NRXN3: variants seen among roughly 807,000 people sequenced by gnomAD.
NRXN3 encodes neurexin III.
Under a neutral mutation model 137.6 loss-of-function variants are expected in NRXN3, and 32 were observed. That is an observed-to-expected ratio of 0.23 (90% CI 0.18 to 0.31). The LOEUF (loss-of-function observed/expected upper bound fraction) is 0.31, where lower values mean the gene tolerates loss of function less well. Ranked by LOEUF, NRXN3 falls within the 10% of genes least tolerant of loss-of-function variation. The pLI is 1.00. For missense variants in NRXN3, 1,574 were observed against 2,062.5 expected (o/e 0.76, Z 4.59); for synonymous variants, 798 against 784.5 (o/e 1.02, Z -0.29).
intron 2 of NRXN3, among the ~76,000 whole-genome samples, chr14:78,274,229 C>T (rs1596626272): frequency 6.6e-6 from 1 of 152,256 alleles, no homozygotes; most frequent in Admixed American, 6.5e-5. Flanking sequence ...TGAAGGAATG[C>T]CTGAGACTGG....
In NRXN3 at chr14:78,370,674, C is replaced by CT. The variant is rs2086673749; in HGVS notation, c.757+72814_757+72815insT. 2.0e-5 allele frequency among the ~76,000 whole-genome samples: 3 copies of CT among 152,062 alleles called. No individual in the cohort carries two copies. The South Asian group carries it at 6.2e-4, about 32-fold the overall frequency. On this transcript the variant is annotated intron_variant, in intron 4 of 20. Coordinates refer to ENST00000335750, the MANE Select transcript of NRXN3 (RefSeq NM_001330195.2). ...TACCACTCTAATACTTTGAGCAATG[C>CT]CAATTATATTGTTATTGCCATACTA...
intron 1 of NRXN3, among the ~76,000 whole-genome samples, chr14:78,183,896 A>G (rs2060018020): frequency 6.6e-6 from 1 of 152,166 alleles, no homozygotes; most frequent in Non-Finnish European, 1.5e-5. Flanking sequence ...TTTCTCCAAG[A>G]AGGGGCGGAT....
At chr14:78,505,373 A>G (rs1426475989) in intron 4 of NRXN3, among the ~76,000 whole-genome samples, 3 of 152,174 alleles carry the variant, frequency 2.0e-5, no homozygotes, top group Non-Finnish European at 2.9e-5. Context: ...TTGTAATTCC[A>G]TCAAGGATTT....
At chr14:79,099,003 A>G (rs1024498789) in intron 15 of NRXN3, among the ~76,000 whole-genome samples, 1 of 152,178 alleles carries the variant, frequency 6.6e-6, no homozygotes, top group Non-Finnish European at 1.5e-5. Flanking sequence ...TTGAATTTCC[A>G]TGATGACTAT....
intron 4 of NRXN3, among the ~76,000 whole-genome samples, chr14:78,331,024 G>A (rs997832548): frequency 6.6e-6 from 1 of 152,088 alleles, no homozygotes; most frequent in Non-Finnish European, 1.5e-5. Flanking sequence ...TTGTGTTTGA[G>A]CATGCAAATT....
intron 4 of NRXN3, among the ~76,000 whole-genome samples, chr14:78,561,084 C>T (rs1361735971): frequency 6.6e-6 from 1 of 152,184 alleles, no homozygotes; most frequent in Non-Finnish European, 1.5e-5. Context: ...CACTGGGTAA[C>T]AGTGGGGCTA....
chr14:78,992,019 T>C (rs1213616452), intron 15 of NRXN3, among the ~76,000 whole-genome samples: 1 of 152,208 alleles, frequency 6.6e-6, no homozygotes, highest in Non-Finnish European at 1.5e-5. Flanking sequence ...GAGCTGATTG[T>C]CTTGTATAAG....
intron 16 of NRXN3, among the ~76,000 whole-genome samples, chr14:79,507,427 C>T (rs780441751): frequency 5.9e-5 from 9 of 152,136 alleles, no homozygotes; most frequent in Non-Finnish European, 1.3e-4. Flanking sequence ...AGCAAACATA[C>T]AAACAAAACA....
At chr14:79,260,740 A>G (rs78484310) in intron 15 of NRXN3, among the ~76,000 whole-genome samples, 1 of 152,136 alleles carries the variant, frequency 6.6e-6, no homozygotes, top group Non-Finnish European at 1.5e-5. Flanking sequence ...ATAAATTCTC[A>G]GAGCTCAGAT....
chr14:79,554,670 G>T (rs1481947199), intron 16 of NRXN3, among the ~76,000 whole-genome samples: 4 of 152,098 alleles, frequency 2.6e-5, no homozygotes, highest in African/African-American at 9.7e-5. Flanking sequence ...CTCTTCTGTG[G>T]CAGTCACACA....
intron 18 of NRXN3, among the ~76,000 whole-genome samples, chr14:79,696,301 C>T (rs2098735139): frequency 6.6e-6 from 1 of 151,764 alleles, no homozygotes; most frequent in Admixed American, 6.6e-5. Flanking sequence ...TTGTTAAAAA[C>T]CCTCTTTTTA....
intron 17 of NRXN3, among the ~76,000 whole-genome samples, chr14:79,689,653 G>C (rs2098708964): frequency 6.6e-6 from 1 of 152,054 alleles, no homozygotes; most frequent in Non-Finnish European, 1.5e-5. Flanking sequence ...ACTTTCAGAA[G>C]GGTCTAAGGT....
chr14:78,455,490 G>A (rs889094816), intron 4 of NRXN3, among the ~76,000 whole-genome samples: 22 of 152,160 alleles, frequency 1.4e-4, no homozygotes, highest in African/African-American at 4.6e-4. Flanking sequence ...TGTCTGAGCC[G>A]TGCTGTTGGC....
At chr14:79,434,263 GA>G (rs1445266264) in intron 15 of NRXN3, among the ~76,000 whole-genome samples, 2 of 152,016 alleles carry the variant, frequency 1.3e-5, no homozygotes, top group African/African-American at 4.8e-5. Context: ...CTCTAGATTA[GA>G]AAATAAAGAA....
chr14:78,243,611 A>G lies in NRXN3; in HGVS notation c.518A>G (p.Lys173Arg), dbSNP rs781163185. Residue 173 changes from lysine (K) to arginine (R), a missense_variant, in exon 2 of 21, where the codon AAG becomes AGG. Coordinates refer to ENST00000335750, the MANE Select transcript of NRXN3 (RefSeq NM_001330195.2). The surrounding 1 kb of genome is among the most constrained non-coding windows in gnomAD (Gnocchi z 4.2). ...GGAGTTCAGGCCATGCCCGGCTTCA[A>G]GGGGTTAATTCTGGATCTCAAGTAT... ...LDGVQAMPGF[K>R]GLILDLKYGN... is the part of the protein sequence containing the mutation. 4 of 1,598,440 alleles carry G rather than the reference A, an allele frequency of 2.5e-6. No homozygotes were observed. Among genetic ancestry groups the G allele is most frequent in the South Asian group, 2.2e-5 (2 of 91,080 alleles).
intron 19 of NRXN3, among the ~76,000 whole-genome samples, chr14:79,740,711 TTTATATATATATATATATATATATA>T (rs1479884285): frequency 6.7e-5 from 1 of 14,916 alleles, no homozygotes; most frequent in Non-Finnish European, 1.1e-4. Context: ...CATTTAGTTT[TTTATATATATATATATATATATATA>T]TATATATATA....
At chr14:79,036,254 C>A (rs1315674061) in intron 15 of NRXN3, among the ~76,000 whole-genome samples, 1 of 152,016 alleles carries the variant, frequency 6.6e-6, no homozygotes. Context: ...AAGCACCAAT[C>A]GTCTTCCTCT....
intron 15 of NRXN3, among the ~76,000 whole-genome samples, chr14:79,045,224 C>T (rs1473215809): frequency 6.6e-6 from 1 of 152,056 alleles, no homozygotes; most frequent in Non-Finnish European, 1.5e-5. Context: ...TCTGGCGCTA[C>T]CCACACCCCT....
chr14:79,377,639 C>T (rs1348728365), intron 15 of NRXN3, among the ~76,000 whole-genome samples: 1 of 152,078 alleles, frequency 6.6e-6, no homozygotes, highest in East Asian at 1.9e-4. Context: ...ACCTGTAATC[C>T]CAGCTACTCA....
Sources: allele counts gnomAD v4.1 joint callset (sites outside exome capture counted in the v4.1 genomes callset), GRCh38; gene constraint gnomAD v4.1.1; non-coding constraint Gnocchi (gnomAD v3.1); transcripts MANE v1.5; gene names NCBI Gene and HGNC (gene_info 2026-07-23, HGNC 2026-07-21).